The following PTPN6 variants were observed in gnomAD, a reference collection of about 807,000 sequenced individuals.
PTPN6 encodes the protein protein tyrosine phosphatase non-receptor type 6.
A neutral mutation model predicts 81.5 loss-of-function variants in PTPN6; 18 were observed. The ratio of observed to expected loss-of-function variants is 0.22; its 90% CI spans 0.15 to 0.33. The LOEUF is 0.33. Ranked by LOEUF, PTPN6 falls within the 10% of genes least tolerant of loss-of-function variation. The probability of loss-of-function intolerance (pLI) is 1.00; values close to 1 mark genes in which losing one functional copy is unlikely to be tolerated. For synonymous variants in PTPN6, 301 were observed against 310.9 expected (o/e 0.97, Z 0.33); for missense variants, 500 against 794.2 (o/e 0.63, Z 4.45).
At position 6,956,282 on chromosome 12, in the gene PTPN6, G is replaced by C; in HGVS notation, c.924+61G>C. 2 of 1,609,220 alleles carry C rather than the reference G, an allele frequency of 1.2e-6. No individual in the cohort carries two copies. The highest frequency in any genetic ancestry group is 1.7e-6 in the Non-Finnish European group (2 of 1,175,592). On this transcript the variant is annotated intron_variant, in intron 8 of 15. Coordinates refer to ENST00000318974, the MANE Select transcript of PTPN6 (RefSeq NM_002831.6). This position sits in a 1 kb window ranked among gnomAD's most constrained non-coding sequence, Gnocchi z 4.1. ...GCCCTGGGAATTCCCTGTCTGGTGGGGGGACCCTAGATCCAGAGACAGCTG... is the reference window on the plus strand; with the variant it reads ...GCCCTGGGAATTCCCTGTCTGGTGGCGGGACCCTAGATCCAGAGACAGCTG...
chr12:6,959,497 G>T lies in PTPN6; in HGVS notation c.1362-430G>T, dbSNP rs183860187. ...GTCTCAGGGCTATCCTTTCCCTGAC[G>T]TCAGGGTTTGAAGGAAAAGGGAAGT... On this transcript the variant is annotated intron_variant, in intron 11 of 15. Coordinates refer to ENST00000318974, the MANE Select transcript of PTPN6 (RefSeq NM_002831.6). This position sits in a 1 kb window ranked among gnomAD's most constrained non-coding sequence, Gnocchi z 6.6. The T allele has an allele frequency of 1.3e-5, 4 of 298,466 alleles. No homozygotes were observed. The highest frequency in any genetic ancestry group is 8.7e-5 in the African/African-American group (4 of 46,136). The allele number at this position is 298,466 out of a possible 1,614,324, so 18.5% of individuals were successfully genotyped here.
At chr12:6,947,682 A>G (rs1555147058), upstream of PTPN6, among the ~76,000 whole-genome samples, 2 of 151,586 alleles carry the variant, frequency 1.3e-5, no homozygotes, top group Admixed American at 6.6e-5. Context: ...AAAAAAAAAA[A>G]AAAAAGAAAA....
Position 6,957,646 on chromosome 12 carries a change from C to CT in PTPN6, c.1075-5dup. The CT allele has an allele frequency of 6.2e-7, 1 of 1,609,368 alleles. No individual in the cohort carries two copies. Among genetic ancestry groups the CT allele is most frequent in the Non-Finnish European group, 8.5e-7 (1 of 1,176,808 alleles). On this transcript the variant is annotated splice_region_variant and splice_polypyrimidine_tract_variant and intron_variant, in intron 9 of 15. Coordinates refer to ENST00000318974, the MANE Select transcript of PTPN6 (RefSeq NM_002831.6). The surrounding 1 kb of genome is among the most constrained non-coding windows in gnomAD (Gnocchi z 6.5). ...GTGCCTCATCCCCACCCGACCCTCC[C>CT]TTTCCAGAACAAATGCGTCCCATAC...
chr12:6,946,806 A>G (rs2138246762), upstream of PTPN6: 3 of 1,497,480 alleles, frequency 2.0e-6, no homozygotes, highest in South Asian at 3.5e-5. Flanking sequence ...GGCTTTGTTG[A>G]TGCTCACTCC....
At position 6,955,008 on chromosome 12, in the gene PTPN6, G is replaced by A. The variant is rs782354923; in HGVS notation, c.516+14G>A. The A allele has an allele frequency of 2.2e-5, 36 of 1,613,934 alleles. No individual in the cohort carries two copies. In the East Asian group the frequency reaches 6.7e-4, roughly 30 times the overall value. ...GTCATGTGCGAGGTAAGGCAGCCAG[G>A]CGGCGGGGGAGCCTCTGCTGAGGCT... On this transcript the variant is annotated intron_variant, in intron 4 of 15. Transcript: ENST00000318974. The surrounding 1 kb of genome is among the most constrained non-coding windows in gnomAD (Gnocchi z 7.2).
chr12:6,951,893 C>G lies in PTPN6; in HGVS notation c.132-90C>G, dbSNP rs782217959. The G allele has an allele frequency of 5.8e-6, 9 of 1,554,832 alleles. No individual in the cohort carries two copies. In the African/African-American group the frequency reaches 1.2e-4, roughly 21 times the overall value. ...ATCCCTGTCTGTGCCCACCCATGCC[C>G]ATGTGTGCCCCCACCCAGGACCTCA... On this transcript the variant is annotated intron_variant, in intron 2 of 15. Coordinates refer to ENST00000318974, the MANE Select transcript of PTPN6 (RefSeq NM_002831.6). This position sits in a 1 kb window ranked among gnomAD's most constrained non-coding sequence, Gnocchi z 7.2.
At chr12:6,951,208 G>A, upstream of PTPN6, 1 of 1,408,374 alleles carries the variant, frequency 7.1e-7, no homozygotes, top group Non-Finnish European at 9.3e-7. The surrounding 1 kb of genome is among the most constrained non-coding windows in gnomAD (Gnocchi z 7.2). Flanking sequence ...TTGCAGACGT[G>A]TGGGAAGTGG....
rs41306425 is a variant in PTPN6, at chr12:6,956,371, C to T, written c.925-48C>T. 2,974 of 1,613,974 alleles carry T rather than the reference C, an allele frequency of 1.8e-3. 5 individuals carry two copies. The highest frequency in any genetic ancestry group is 2.3e-3 in the Non-Finnish European group (2,741 of 1,179,920). ...GCAGTGGTTCAGGGCCTGTGCTGGG[C>T]CAAGGGGCTCACTGTCTTGGGGTGC... On this transcript the variant is annotated intron_variant, in intron 8 of 15. Transcript: ENST00000318974. The surrounding 1 kb of genome is among the most constrained non-coding windows in gnomAD (Gnocchi z 4.1).
chr12:6,955,882 C>T lies in PTPN6; in HGVS notation c.844+126C>T. On this transcript the variant is annotated intron_variant, in intron 7 of 15. Transcript: ENST00000318974. This position sits in a 1 kb window ranked among gnomAD's most constrained non-coding sequence, Gnocchi z 7.2. ...CTCCCCACACCCCCCACAGAGCCTC[C>T]CCCTTCTCCAAAAGGCCTCTACTCC... 4.2e-6 allele frequency: 4 copies of T among 960,110 alleles called. No homozygotes were observed. Among genetic ancestry groups the T allele is most frequent in the Non-Finnish European group, 4.9e-6 (3 of 609,214 alleles). 59.5% of individuals were successfully genotyped at this position (960,110 alleles called of 1,614,324 possible).
In PTPN6 at chr12:6,960,272, G is replaced by T. The variant is rs372607523; in HGVS notation, c.1581+33G>T. On this transcript the variant is annotated intron_variant, in intron 13 of 15. Coordinates refer to ENST00000318974, the MANE Select transcript of PTPN6 (RefSeq NM_002831.6). The surrounding 1 kb of genome is among the most constrained non-coding windows in gnomAD (Gnocchi z 6.1). ...CAGAGCAGGGCCTGGGGGGGGGGGG[G>T]GCTGCAGTGCAGGATGGGTGCCACC... The T allele has an allele frequency of 1.5e-4, 234 of 1,599,742 alleles. 2 individuals are homozygous for T. The highest frequency in any genetic ancestry group is 7.2e-4 in the South Asian group (65 of 90,728).
upstream of PTPN6, among the ~76,000 whole-genome samples, chr12:6,950,788 G>A (rs1424643335): frequency 6.6e-6 from 1 of 152,186 alleles, no homozygotes; most frequent in African/African-American, 2.4e-5. Flanking sequence ...CTTTGGAACC[G>A]GACTGTCTGG....
chr12:6,957,542 C>A lies in PTPN6; in HGVS notation c.1075-112C>A. On this transcript the variant is annotated intron_variant, in intron 9 of 15. Coordinates refer to ENST00000318974, the MANE Select transcript of PTPN6 (RefSeq NM_002831.6). This position sits in a 1 kb window ranked among gnomAD's most constrained non-coding sequence, Gnocchi z 6.5. ...CTGCCTCTCTGCCAGCCCATCCGTC[C>A]ATCCAACAAATGTTTGGGCCGGTGC... 1 of 1,386,332 alleles carries A rather than the reference C, an allele frequency of 7.2e-7. No individual in the cohort carries two copies. Among genetic ancestry groups the A allele is most frequent in the Non-Finnish European group, 9.9e-7 (1 of 1,007,072 alleles). 85.9% of individuals were successfully genotyped at this position (1,386,332 alleles called of 1,614,324 possible). A position where few individuals can be genotyped will look rare whatever the true frequency, so the allele number is the denominator to read the frequency against.
In PTPN6 at chr12:6,955,352, C is replaced by T. The variant is rs1191940661; in HGVS notation, c.634-20C>T. On this transcript the variant is annotated intron_variant, in intron 5 of 15. Transcript: ENST00000318974. This position sits in a 1 kb window ranked among gnomAD's most constrained non-coding sequence, Gnocchi z 7.2. ...TCTGGGATCTCTGAGTTGCTGACTT[C>T]TCGCTCTTCCCCACCCCAGCCGTAC... 1.7e-5 allele frequency: 27 copies of T among 1,613,350 alleles called. No individual in the cohort carries two copies. The highest frequency in any genetic ancestry group is 1.7e-4 in the Middle Eastern group (1 of 6,060).
chr12:6,959,882 G>T lies in PTPN6; in HGVS notation c.1362-45G>T. 6.2e-7 allele frequency: 1 copy of T among 1,605,780 alleles called. No homozygotes were observed. The highest frequency in any genetic ancestry group is 8.5e-7 in the Non-Finnish European group (1 of 1,175,588). On this transcript the variant is annotated intron_variant, in intron 11 of 15. Transcript: ENST00000318974. This position sits in a 1 kb window ranked among gnomAD's most constrained non-coding sequence, Gnocchi z 6.6. ...TGAGCGCTGGGTACCCCCCTTCCCG[G>T]GGAGGGCTTGACTGGCCTCTGATGG...
Position 6,960,606 on chromosome 12 carries a change from G to A in PTPN6, c.1673+171G>A. ...ATTTCCTGAGTGCCCACACGTGTGG[G>A]CCTCTGCTAGGTACCAGCAGCGCAC... On this transcript the variant is annotated intron_variant, in intron 14 of 15. Coordinates refer to ENST00000318974, the MANE Select transcript of PTPN6 (RefSeq NM_002831.6). The surrounding 1 kb of genome is among the most constrained non-coding windows in gnomAD (Gnocchi z 6.1). 1 of 1,485,886 alleles carries A rather than the reference G, an allele frequency of 6.7e-7. No homozygotes were observed. The highest frequency in any genetic ancestry group is 9.2e-7 in the Non-Finnish European group (1 of 1,088,770). 92.0% of individuals were successfully genotyped at this position (1,485,886 alleles called of 1,614,324 possible). A position where few individuals can be genotyped will look rare whatever the true frequency, so the allele number is the denominator to read the frequency against.
chr12:6,959,855 G>A lies in PTPN6; in HGVS notation c.1362-72G>A. On this transcript the variant is annotated intron_variant, in intron 11 of 15. Coordinates refer to ENST00000318974, the MANE Select transcript of PTPN6 (RefSeq NM_002831.6). This position sits in a 1 kb window ranked among gnomAD's most constrained non-coding sequence, Gnocchi z 6.6. ...TGCTCCTGTGGTGCCTGGGGCTGGA[G>A]CTGAGCGCTGGGTACCCCCCTTCCC... 3 of 1,529,364 alleles carry A rather than the reference G, an allele frequency of 2.0e-6. No individual in the cohort carries two copies. The South Asian group carries it at 3.4e-5, about 17-fold the overall frequency. The allele number at this position is 1,529,364 out of a possible 1,614,324, so 94.7% of individuals were successfully genotyped here.
chr12:6,956,038 G>A lies in PTPN6; in HGVS notation c.845-104G>A, dbSNP rs1395816384. ...CCCACAGTCCCCCGCAAGCCTCATG[G>A]CTTCTGAGACCAGAATGGCCTGTTA... On this transcript the variant is annotated intron_variant, in intron 7 of 15. Transcript: ENST00000318974. The surrounding 1 kb of genome is among the most constrained non-coding windows in gnomAD (Gnocchi z 4.1). The A allele has an allele frequency of 3.3e-6, 4 of 1,197,078 alleles. No homozygotes were observed. Among genetic ancestry groups the A allele is most frequent in the Admixed American group, 3.7e-5 (2 of 54,642 alleles). The allele number at this position is 1,197,078 out of a possible 1,614,324, so 74.2% of individuals were successfully genotyped here.
rs1440373169 is a variant in PTPN6, at chr12:6,954,559, C to T, written c.327-246C>T. Among the ~76,000 whole-genome samples the T allele has an allele frequency of 2.0e-5, 3 of 152,200 alleles. No homozygotes were observed. The highest frequency in any genetic ancestry group is 6.5e-5 in the Admixed American group (1 of 15,280). ...TCTGGAAGCTTGCCCTAGAGTCAGT[C>T]AAGGGCCCTAGGCCAGTGAGTAACA... On this transcript the variant is annotated intron_variant, in intron 3 of 15. Transcript: ENST00000318974. The surrounding 1 kb of genome is among the most constrained non-coding windows in gnomAD (Gnocchi z 5.4).
chr12:6,959,873 C>G lies in PTPN6; in HGVS notation c.1362-54C>G. On this transcript the variant is annotated intron_variant, in intron 11 of 15. Coordinates refer to ENST00000318974, the MANE Select transcript of PTPN6 (RefSeq NM_002831.6). This position sits in a 1 kb window ranked among gnomAD's most constrained non-coding sequence, Gnocchi z 6.6. ...GGCTGGAGCTGAGCGCTGGGTACCC[C>G]CCTTCCCGGGGAGGGCTTGACTGGC... 6.3e-7 allele frequency: 1 copy of G among 1,593,784 alleles called. No individual in the cohort carries two copies. Among genetic ancestry groups the G allele is most frequent in the Admixed American group, 1.7e-5 (1 of 59,994 alleles).
Sources: gnomAD v4.1 joint callset for allele counts (sites outside exome capture counted in the v4.1 genomes callset) on GRCh38, gnomAD v4.1.1 for gene constraint, Gnocchi (gnomAD v3.1) non-coding constraint, MANE v1.5 for transcripts, NCBI Gene and HGNC (gene_info 2026-07-23, HGNC 2026-07-21) for gene names.